Variants in PEAK1 observed in about 807,000 individuals in gnomAD.
PEAK1 encodes the protein inactive tyrosine-protein kinase PEAK1.
A neutral mutation model predicts 124.7 loss-of-function variants in PEAK1; 54 were observed. The observed-to-expected ratio is 0.43, with a 90% confidence interval of 0.35 to 0.54. PEAK1 has a LOEUF of 0.54. PEAK1 is among the 20% of genes least tolerant of loss of function. The pLI is 0.01. For synonymous variants in PEAK1, 719 were observed against 760.0 expected, an observed-to-expected ratio of 0.95 and a Z score of 0.89; for missense variants, 2,046 against 2,134.5, an observed-to-expected ratio of 0.96 and a Z score of 0.82.
At chr15:77,250,585 A>C (rs973777375) in intron 6 of PEAK1, among the ~76,000 whole-genome samples, 17 of 151,960 alleles carry the variant, frequency 1.1e-4, no homozygotes, top group Non-Finnish European at 2.1e-4. Flanking sequence ...GGTGCCTGCC[A>C]CCATACCAGG....
intron 2 of PEAK1, among the ~76,000 whole-genome samples, chr15:77,304,520 C>A (rs2063973121): frequency 1.4e-5 from 2 of 141,022 alleles, no homozygotes; most frequent in African/African-American, 5.2e-5. Flanking sequence ...GCGATCTCTG[C>A]TCACTGCAAG....
At chr15:77,277,072 G>A (rs973676017) in intron 5 of PEAK1, among the ~76,000 whole-genome samples, 1 of 152,078 alleles carries the variant, frequency 6.6e-6, no homozygotes, top group African/African-American at 2.4e-5. Flanking sequence ...AGGTATTCAA[G>A]TAACCTGCAG....
intron 9 of PEAK1, among the ~76,000 whole-genome samples, chr15:77,122,838 A>T (rs1168694140): frequency 1.3e-5 from 2 of 152,182 alleles, no homozygotes; most frequent in East Asian, 3.8e-4. Context: ...TTTCCTCACC[A>T]CTAAGCCAGT....
At chr15:77,341,624 C>T (rs143331625) in intron 2 of PEAK1, among the ~76,000 whole-genome samples, 1 of 152,318 alleles carries the variant, frequency 6.6e-6, no homozygotes, top group African/African-American at 2.4e-5. Flanking sequence ...CTACTCCCAC[C>T]AGGTCAGGCT....
At chr15:77,207,893 C>T (rs1243162598) in intron 6 of PEAK1, among the ~76,000 whole-genome samples, 1 of 152,118 alleles carries the variant, frequency 6.6e-6, no homozygotes, top group Non-Finnish European at 1.5e-5. Flanking sequence ...TCCAGTTAGG[C>T]TTCCAATTTT....
chr15:77,149,243 T>C (rs777931930), intron 8 of PEAK1, among the ~76,000 whole-genome samples: 7 of 152,248 alleles, frequency 4.6e-5, no homozygotes, highest in Non-Finnish European at 8.8e-5. Context: ...AATGTAATTT[T>C]CAGAAACAAA....
chr15:77,253,573 T>C (rs2060983408), intron 5 of PEAK1, among the ~76,000 whole-genome samples: 4 of 152,180 alleles, frequency 2.6e-5, no homozygotes, highest in Admixed American at 2.0e-4. Flanking sequence ...TAACAATAAA[T>C]ATCTAAGTTT....
At chr15:77,150,059 A>G (rs532459469) in intron 8 of PEAK1, among the ~76,000 whole-genome samples, 1 of 152,144 alleles carries the variant, frequency 6.6e-6, no homozygotes, top group African/African-American at 2.4e-5. Context: ...AGCATCACAT[A>G]CTTTTAAAAG....
At chr15:77,234,960 T>C (rs2060055522) in intron 6 of PEAK1, among the ~76,000 whole-genome samples, 1 of 151,924 alleles carries the variant, frequency 6.6e-6, no homozygotes, top group African/African-American at 2.4e-5. Context: ...TGAGTTCTCA[T>C]GAGATCTGAT....
Position 77,133,432 on chromosome 15 carries a change from G to T in PEAK1, c.3650C>A (p.Ser1217Tyr). 1 of 1,614,182 alleles carries T rather than the reference G, an allele frequency of 6.2e-7. No homozygotes were observed. The highest frequency in any genetic ancestry group is 8.5e-7 in the Non-Finnish European group (1 of 1,180,028). Residue 1217 changes from serine to tyrosine, a missense_variant, in exon 9 of 10, where the codon TCC (serine) becomes TAC (tyrosine). By Grantham distance (144) the Ser-to-Tyr change is moderately radical. Transcript: ENST00000682557. The surrounding 1 kb of genome is among the most constrained non-coding windows in gnomAD (Gnocchi z 4.2). ...LKGLDIESYD[S>Y]LERPLRKERP... is the part of the protein sequence containing the mutation. ...CTCCTTGCGCAAAGGCCTTTCCAAG[G>T]AGTCATAAGACTCAATGTCCAGTCC...
At chr15:77,302,533 C>T (rs2152992641) in intron 2 of PEAK1, among the ~76,000 whole-genome samples, 1 of 152,202 alleles carries the variant, frequency 6.6e-6, no homozygotes, top group East Asian at 1.9e-4. Context: ...TTAATCCATA[C>T]CTTGTTCCCC....
chr15:77,305,240 A>G lies in PEAK1; in HGVS notation c.-602-18736T>C, dbSNP rs368588572. Among the ~76,000 whole-genome samples, 322 of 151,342 alleles carry G rather than the reference A, an allele frequency of 2.1e-3. 2 individuals are homozygous for G. Among genetic ancestry groups the G allele is most frequent in the Middle Eastern group, 6.8e-3 (2 of 294 alleles). ...GAGGGTGGGTGGGAGGGAGAGATGG[A>G]GGGATAATATAACAATATATGGAAA... On this transcript the variant is annotated intron_variant, in intron 2 of 9. Transcript: ENST00000682557.
chr15:77,171,630 A>G (rs2056515053), intron 7 of PEAK1, among the ~76,000 whole-genome samples: 2 of 152,204 alleles, frequency 1.3e-5, no homozygotes, highest in East Asian at 1.9e-4. Context: ...TAGGATGACT[A>G]TAGTTAACAG....
chr15:77,342,932 A>G (rs1413229930), intron 2 of PEAK1, among the ~76,000 whole-genome samples: 2 of 152,200 alleles, frequency 1.3e-5, no homozygotes, highest in Admixed American at 6.5e-5. Flanking sequence ...GGGTGTGTAC[A>G]TATGTCTTTG....
chr15:77,405,190 G>C (rs377054613), intron 1 of PEAK1, among the ~76,000 whole-genome samples: 1 of 152,004 alleles, frequency 6.6e-6, no homozygotes, highest in African/African-American at 2.4e-5. Context: ...TGTTTTAGTA[G>C]GGATGGGGTT....
chr15:77,372,122 G>A (rs919407348), intron 1 of PEAK1, among the ~76,000 whole-genome samples: 4 of 152,178 alleles, frequency 2.6e-5, no homozygotes, highest in African/African-American at 7.2e-5. Context: ...TCTCTGATAC[G>A]AGAAGAGATA....
At chr15:77,411,636 T>C (rs1466087090) in intron 1 of PEAK1, among the ~76,000 whole-genome samples, 1 of 152,184 alleles carries the variant, frequency 6.6e-6, no homozygotes, top group Non-Finnish European at 1.5e-5. Context: ...AATACAGTCT[T>C]GCGATGTCAC....
At chr15:77,274,936 G>A (rs1263613547) in intron 5 of PEAK1, among the ~76,000 whole-genome samples, 1 of 152,130 alleles carries the variant, frequency 6.6e-6, no homozygotes, top group African/African-American at 2.4e-5. Context: ...CAATCAATAA[G>A]TGGATAGAGA....
intron 1 of PEAK1, among the ~76,000 whole-genome samples, chr15:77,410,520 C>T (rs546797670): frequency 2.0e-5 from 3 of 152,322 alleles, no homozygotes; most frequent in African/African-American, 7.2e-5. Context: ...CTAACTCTGA[C>T]TTAAACAATG....
Sources: allele counts gnomAD v4.1 joint callset (sites outside exome capture counted in the v4.1 genomes callset), GRCh38; gene constraint gnomAD v4.1.1; non-coding constraint Gnocchi (gnomAD v3.1); transcripts MANE v1.5; gene names NCBI Gene and HGNC (gene_info 2026-07-23, HGNC 2026-07-21).